ANKS1B: variants seen among roughly 807,000 people sequenced by gnomAD.
The protein encoded by ANKS1B is ankyrin repeat and sterile alpha motif domain containing 1B.
Under a neutral mutation model 148.3 loss-of-function variants are expected in ANKS1B, and 36 were observed. The observed-to-expected ratio is 0.24, with a 90% confidence interval of 0.19 to 0.32. The LOEUF is 0.32. Among genes scored for constraint, ANKS1B ranks in the 10% least tolerant of loss-of-function variants. The probability of loss-of-function intolerance (pLI) is 1.00; values close to 1 mark genes in which losing one functional copy is unlikely to be tolerated. For missense variants in ANKS1B, 1,157 were observed against 1,542.6 expected (o/e 0.75, Z 4.19); for synonymous variants, 542 against 560.8 (o/e 0.97, Z 0.47).
At chr12:98,857,427 G>C (rs1383995183) in intron 17 of ANKS1B, among the ~76,000 whole-genome samples, 3 of 152,150 alleles carry the variant, frequency 2.0e-5, no homozygotes, top group Non-Finnish European at 2.9e-5. Flanking sequence ...AGAGAGAACT[G>C]ATTGAGCTTG....
At chr12:99,103,390 C>T (rs113759821) in intron 15 of ANKS1B, among the ~76,000 whole-genome samples, 24 of 152,242 alleles carry the variant, frequency 1.6e-4, no homozygotes, top group African/African-American at 5.5e-4. Flanking sequence ...TGAACTCCTT[C>T]GACATCTCTC....
intron 17 of ANKS1B, among the ~76,000 whole-genome samples, chr12:98,873,405 G>A (rs991061241): frequency 6.6e-6 from 1 of 152,150 alleles, no homozygotes; most frequent in Non-Finnish European, 1.5e-5. Context: ...AAATAAGCCT[G>A]TAAATAACAG....
chr12:99,213,993 C>T (rs961566009), intron 14 of ANKS1B, among the ~76,000 whole-genome samples: 52 of 152,076 alleles, frequency 3.4e-4, no homozygotes, highest in African/African-American at 1.1e-3. Context: ...AAACTTGGGC[C>T]TCAATGACCG....
chr12:99,789,460 A>C (rs1274340087), intron 4 of ANKS1B, among the ~76,000 whole-genome samples: 5 of 152,224 alleles, frequency 3.3e-5, no homozygotes, highest in Non-Finnish European at 5.9e-5. Flanking sequence ...GAATTACATA[A>C]GGCACCAGGG....
At chr12:99,468,498 A>G (rs964669654) in intron 10 of ANKS1B, among the ~76,000 whole-genome samples, 1 of 152,196 alleles carries the variant, frequency 6.6e-6, no homozygotes, top group African/African-American at 2.4e-5. Flanking sequence ...CAGAGTGAAC[A>G]GGCAACCTAA....
intron 9 of ANKS1B, among the ~76,000 whole-genome samples, chr12:99,566,683 G>A (rs904426201): frequency 1.3e-5 from 2 of 152,122 alleles, no homozygotes; most frequent in Non-Finnish European, 2.9e-5. Flanking sequence ...GAGCTGACAT[G>A]CACACTCTTG....
At chr12:98,912,614 C>T (rs962580545) in intron 17 of ANKS1B, among the ~76,000 whole-genome samples, 8 of 152,218 alleles carry the variant, frequency 5.3e-5, no homozygotes, top group Admixed American at 3.3e-4. Context: ...CTCAGTAACA[C>T]AGTATCTGGC....
intron 15 of ANKS1B, among the ~76,000 whole-genome samples, chr12:99,147,823 T>G (rs1488910314): frequency 6.6e-6 from 1 of 152,004 alleles, no homozygotes; most frequent in Non-Finnish European, 1.5e-5. Context: ...GGGAGTATAC[T>G]GTCATGGAAC....
intron 12 of ANKS1B, among the ~76,000 whole-genome samples, chr12:99,380,878 G>C (rs1037830983): frequency 6.6e-6 from 1 of 151,634 alleles, no homozygotes; most frequent in Admixed American, 6.6e-5. Context: ...AGAGATTCCA[G>C]TAGAAATCAT....
chr12:99,876,625 G>C (rs563760730), intron 1 of ANKS1B, among the ~76,000 whole-genome samples: 1 of 152,056 alleles, frequency 6.6e-6, no homozygotes, highest in East Asian at 1.9e-4. Context: ...AGCTACTCGG[G>C]AGGCTGAGGC....
At chr12:99,909,901 A>G (rs1408776409) in intron 1 of ANKS1B, among the ~76,000 whole-genome samples, 2 of 152,130 alleles carry the variant, frequency 1.3e-5, no homozygotes, top group Non-Finnish European at 2.9e-5. Flanking sequence ...TTCTCCTGGA[A>G]GATGATTTAG....
At chr12:99,159,910 T>C (rs1601258406) in intron 14 of ANKS1B, among the ~76,000 whole-genome samples, 2 of 152,192 alleles carry the variant, frequency 1.3e-5, no homozygotes, top group East Asian at 3.9e-4. Context: ...CTCTTAGTAA[T>C]AGCCATTCTG....
intron 12 of ANKS1B, among the ~76,000 whole-genome samples, chr12:99,392,234 C>T (rs561884479): frequency 3.9e-5 from 6 of 152,374 alleles, no homozygotes; most frequent in African/African-American, 9.6e-5. Context: ...GTCTCAGCTT[C>T]AGGAGGTCTA....
intron 1 of ANKS1B, among the ~76,000 whole-genome samples, chr12:99,900,551 C>T (rs1696930641): frequency 6.8e-6 from 1 of 148,070 alleles, no homozygotes; most frequent in African/African-American, 2.5e-5. Flanking sequence ...GCTCCTTGCA[C>T]ACAATAGTGA....
intron 9 of ANKS1B, among the ~76,000 whole-genome samples, chr12:99,524,242 CG>C (rs2096904621): frequency 6.6e-6 from 1 of 151,860 alleles, no homozygotes; most frequent in African/African-American, 2.4e-5. Flanking sequence ...TTTTTTAAAA[CG>C]AAGATACTTT....
At position 98,979,003 on chromosome 12, in the gene ANKS1B, G is replaced by A. The variant is rs985627697; in HGVS notation, c.2778+74154C>T. Among the ~76,000 whole-genome samples the A allele has an allele frequency of 1.3e-4, 20 of 151,790 alleles. No homozygotes were observed. The East Asian group carries it at 3.0e-3, about 23-fold the overall frequency. ...TAAAAATGCAAAAAATTAGCCAGGC[G>A]TGGTGGCGGGCGCCTGTAGTCCCAG... On this transcript the variant is annotated intron_variant, in intron 17 of 26. Transcript: ENST00000683438.
intron 15 of ANKS1B, among the ~76,000 whole-genome samples, chr12:99,153,085 A>G (rs2075364165): frequency 6.6e-6 from 1 of 152,176 alleles, no homozygotes; most frequent in South Asian, 2.1e-4. Flanking sequence ...AATTACTTAG[A>G]GCTCATATAT....
intron 14 of ANKS1B, among the ~76,000 whole-genome samples, chr12:99,226,980 A>T (rs554242718): frequency 2.0e-5 from 3 of 152,344 alleles, no homozygotes; most frequent in Admixed American, 2.0e-4. Context: ...TGGGGATGAT[A>T]TAACAGGAAA....
At chr12:99,586,688 A>G (rs2097645216) in intron 9 of ANKS1B, among the ~76,000 whole-genome samples, 1 of 152,180 alleles carries the variant, frequency 6.6e-6, no homozygotes, top group Non-Finnish European at 1.5e-5. Flanking sequence ...CTTACAAAGG[A>G]AAGAGGTTTA....
Sources: allele counts gnomAD v4.1 joint callset (sites outside exome capture counted in the v4.1 genomes callset), GRCh38; gene constraint gnomAD v4.1.1; transcripts MANE v1.5; gene names NCBI Gene and HGNC (gene_info 2026-07-23, HGNC 2026-07-21).